The following ZCWPW2 variants were observed in gnomAD, a reference collection of about 807,000 sequenced individuals.
ZCWPW2 encodes zinc finger CW-type PWWP domain protein 2.
A neutral mutation model predicts 46.6 loss-of-function variants in ZCWPW2; 45 were observed. The ratio of observed to expected loss-of-function variants is 0.96; its 90% CI spans 0.76 to 1.24. The LOEUF (loss-of-function observed/expected upper bound fraction) is 1.24, where lower values mean the gene tolerates loss of function less well. Ranked by LOEUF, ZCWPW2 falls within the 50% of genes most tolerant of loss-of-function variation. The pLI is 0.00. For synonymous variants in ZCWPW2, 152 were observed against 137.1 expected, an observed-to-expected ratio of 1.11 and a Z score of -0.76; for missense variants, 429 against 403.9, an observed-to-expected ratio of 1.06 and a Z score of -0.53.
chr3:28,387,360 A>G (rs138695990), intron 1 of ZCWPW2, among the ~76,000 whole-genome samples: 294 of 152,260 alleles, frequency 1.9e-3, no homozygotes, highest in African/African-American at 6.6e-3. Context: ...AAAAAATTAT[A>G]TATTTTAGAA....
intron 9 of ZCWPW2, among the ~76,000 whole-genome samples, chr3:28,523,049 G>C (rs926438073): frequency 1.3e-5 from 2 of 152,154 alleles, no homozygotes; most frequent in East Asian, 1.9e-4. Flanking sequence ...TGATAGAACA[G>C]AGAAATACTT....
At chr3:28,451,951 G>T (rs924461983) in intron 4 of ZCWPW2, among the ~76,000 whole-genome samples, 1 of 152,132 alleles carries the variant, frequency 6.6e-6, no homozygotes, top group African/African-American at 2.4e-5. Flanking sequence ...CCCATAGTTG[G>T]CATAAAATTT....
At chr3:28,414,464 A>G (rs982121948) in intron 3 of ZCWPW2, among the ~76,000 whole-genome samples, 1 of 151,000 alleles carries the variant, frequency 6.6e-6, no homozygotes, top group African/African-American at 2.4e-5. Context: ...TTTTAATTTT[A>G]TTATTATTGT....
At chr3:28,506,594 G>C (rs181776435) in intron 6 of ZCWPW2, among the ~76,000 whole-genome samples, 1 of 152,156 alleles carries the variant, frequency 6.6e-6, no homozygotes, top group Non-Finnish European at 1.5e-5. Context: ...TGGAATAATG[G>C]TCTTTGCAGA....
intron 4 of ZCWPW2, among the ~76,000 whole-genome samples, chr3:28,470,981 T>A (rs558680262): frequency 1.1e-4 from 16 of 152,260 alleles, no homozygotes; most frequent in African/African-American, 3.9e-4. Context: ...TGAGCAACTA[T>A]ATGCCAATAA....
intron 8 of ZCWPW2, among the ~76,000 whole-genome samples, chr3:28,516,483 G>C (rs1229622976): frequency 6.6e-6 from 1 of 152,020 alleles, no homozygotes; most frequent in East Asian, 1.9e-4. Context: ...GTGGAATGCA[G>C]GGAGAAAGTT....
chr3:28,509,565 C>T (rs1445563611), intron 6 of ZCWPW2, among the ~76,000 whole-genome samples: 1 of 152,058 alleles, frequency 6.6e-6, no homozygotes, highest in Non-Finnish European at 1.5e-5. Flanking sequence ...TCTTGATTTT[C>T]ATTTCTCTAA....
intron 4 of ZCWPW2, among the ~76,000 whole-genome samples, chr3:28,472,418 C>A (rs1430195385): frequency 6.6e-6 from 1 of 152,068 alleles, no homozygotes; most frequent in Non-Finnish European, 1.5e-5. Flanking sequence ...AGAAATAAAT[C>A]CATACATCTA....
Position 28,521,010 on chromosome 3 carries a change from T to C in ZCWPW2, c.803T>C (p.Val268Ala). Residue 268 changes from valine to alanine, a missense_variant, in exon 9 of 10, where the codon GTT (valine) becomes GCT (alanine). Transcript: ENST00000383768. Reference protein sequence around the residue: ...KENRVVCETEVLLKELEQMLQ... With the variant: ...KENRVVCETEALLKELEQMLQ... ...TTTTTAGTTGTCTGTGAGACGGAAG[T>C]TTTACTAAAAGAGCTGGAGCAAATG... 1 of 1,613,396 alleles carries C rather than the reference T, an allele frequency of 6.2e-7. No homozygotes were observed. The highest frequency in any genetic ancestry group is 8.5e-7 in the Non-Finnish European group (1 of 1,179,726).
intron 3 of ZCWPW2, among the ~76,000 whole-genome samples, chr3:28,425,189 CA>C (rs1696958641): frequency 6.6e-6 from 1 of 152,112 alleles, no homozygotes; most frequent in Admixed American, 6.5e-5. Flanking sequence ...TTAGGGACAT[CA>C]AAATGCCCAA....
chr3:28,437,857 A>T (rs1697563180), intron 4 of ZCWPW2, among the ~76,000 whole-genome samples: 1 of 152,212 alleles, frequency 6.6e-6, no homozygotes, highest in Non-Finnish European at 1.5e-5. Flanking sequence ...AAGATGGTAG[A>T]GTAGGAAGCA....
intron 1 of ZCWPW2, among the ~76,000 whole-genome samples, chr3:28,357,318 C>G (rs1417382864): frequency 6.6e-6 from 1 of 152,162 alleles, no homozygotes; most frequent in African/African-American, 2.4e-5. Flanking sequence ...CGTCCAAACT[C>G]ACAACTCACA....
At chr3:28,422,029 T>G (rs1287908959) in intron 3 of ZCWPW2, among the ~76,000 whole-genome samples, 2 of 152,174 alleles carry the variant, frequency 1.3e-5, no homozygotes, top group Non-Finnish European at 2.9e-5. Flanking sequence ...TTTTTATTTA[T>G]TTTAAGTAAT....
Position 28,465,396 on chromosome 3 carries a change from G to A in ZCWPW2, c.493-13418G>A, listed in dbSNP as rs1698781642. On this transcript the variant is annotated intron_variant, in intron 4 of 9. Transcript: ENST00000383768. Reference sequence around the variant, plus strand: ...TTTCAGTGAAAGATTCAAATTGAAAGATTATGATAATGTCTAAAAGAGCTA... The same window carrying A: ...TTTCAGTGAAAGATTCAAATTGAAAAATTATGATAATGTCTAAAAGAGCTA... 3.3e-5 allele frequency among the ~76,000 whole-genome samples: 5 copies of A among 152,268 alleles called. No individual in the cohort carries two copies. In the South Asian group the frequency reaches 1.0e-3, roughly 32 times the overall value.
At chr3:28,459,955 A>C (rs1297971350) in intron 4 of ZCWPW2, among the ~76,000 whole-genome samples, 6 of 152,308 alleles carry the variant, frequency 3.9e-5, no homozygotes, top group Non-Finnish European at 8.8e-5. Flanking sequence ...TACAAAGCTT[A>C]ATCTAGTACC....
chr3:28,371,033 AT>A (rs567259657), intron 1 of ZCWPW2, among the ~76,000 whole-genome samples: 3,339 of 150,818 alleles, frequency 0.022, 263 homozygotes, highest in Admixed American at 0.15. Context: ...TGCCCAATAA[AT>A]TTTTTTTTTA....
At chr3:28,494,506 C>T (rs1477228137) in intron 6 of ZCWPW2, among the ~76,000 whole-genome samples, 1 of 151,018 alleles carries the variant, frequency 6.6e-6, no homozygotes, top group Non-Finnish European at 1.5e-5. Flanking sequence ...TTCCATTGAT[C>T]TATATCTCTG....
intron 4 of ZCWPW2, among the ~76,000 whole-genome samples, chr3:28,476,270 A>T (rs1323429345): frequency 6.6e-6 from 1 of 151,704 alleles, no homozygotes; most frequent in Non-Finnish European, 1.5e-5. Context: ...TTCTTCAATT[A>T]AAAAAAAGTA....
intron 4 of ZCWPW2, among the ~76,000 whole-genome samples, chr3:28,444,844 G>A (rs1313548167): frequency 1.3e-5 from 2 of 152,090 alleles, no homozygotes; most frequent in African/African-American, 2.4e-5. Context: ...CTCCAGATAT[G>A]GTCAAACGTA....
Sources: gnomAD v4.1 joint callset for allele counts (sites outside exome capture counted in the v4.1 genomes callset) on GRCh38, gnomAD v4.1.1 for gene constraint, MANE v1.5 for transcripts, NCBI Gene and HGNC (gene_info 2026-07-23, HGNC 2026-07-21) for gene names.